ATM: variants seen among roughly 807,000 people sequenced by gnomAD.
ATM encodes the protein ATM serine/threonine kinase, also known as serine-protein kinase ATM.
Under a neutral mutation model 387.0 loss-of-function variants are expected in ATM, and 308 were observed. The observed-to-expected ratio is 0.80, with a 90% CI of 0.73 to 0.87. The LOEUF (loss-of-function observed/expected upper bound fraction) is 0.87. Ranked by LOEUF, ATM falls within the 40% of genes least tolerant of loss-of-function variation. ATM has a pLI of 0.00. For synonymous variants in ATM, 1,156 were observed against 1,187.3 expected (o/e 0.97, Z 0.54); for missense variants, 3,312 against 3,560.9 (o/e 0.93, Z 1.78).
intron 47 of ATM, 74 bp from the exon 48 acceptor site, chr11:108,327,571 C>T: frequency 8.1e-7 from 1 of 1,237,676 alleles, no homozygotes; most frequent in Non-Finnish European, 1.2e-6. Context: ...CTGCTTTTTT[C>T]CCCGTACATG....
intron 42 of ATM, 84 bp from the exon 43 acceptor site, chr11:108,317,289 A>G (rs1307716440): frequency 4.2e-6 from 6 of 1,427,600 alleles, no homozygotes; most frequent in South Asian, 2.4e-5. Context: ...GTCTAAGTTA[A>G]TTTGTATCTT....
chr11:108,288,643 G>A (rs1029308870), intron 27 of ATM, among the ~76,000 whole-genome samples: 4 of 151,660 alleles, frequency 2.6e-5, no homozygotes, highest in Non-Finnish European at 4.4e-5. Context: ...TGCTTTTACA[G>A]TACTGGCATA....
rs1565615076 is a variant in ATM at position 108,368,830 on chromosome 11, T to C, written c.*3322T>C. On this transcript the variant is annotated 3_prime_UTR_variant, in exon 63 of 63. Transcript: ENST00000675843. ...CATTATAGTATATGCCTAAAATGTA[T>C]GCACTTAGGAATGCTAAAAATTTAA... The C allele has an allele frequency of 4.9e-6, 1 of 203,752 alleles. No individual in the cohort carries two copies. Among genetic ancestry groups the C allele is most frequent in the East Asian group, 7.6e-5 (1 of 13,202 alleles). The allele number at this position is 203,752 out of a possible 1,614,324, so 12.6% of individuals were successfully genotyped here. A position where few individuals can be genotyped will look rare whatever the true frequency, so the allele number is the denominator to read the frequency against.
intron 24 of ATM, among the ~76,000 whole-genome samples, chr11:108,282,295 C>T (rs2082274378): frequency 6.6e-6 from 1 of 152,072 alleles, no homozygotes; most frequent in African/African-American, 2.4e-5. Flanking sequence ...ATCCACACAC[C>T]TGGCTAATTT....
intron 59 of ATM, among the ~76,000 whole-genome samples, chr11:108,349,819 A>T (rs1391445519): frequency 6.6e-6 from 1 of 152,202 alleles, no homozygotes; most frequent in Non-Finnish European, 1.5e-5. Flanking sequence ...GGAGAAAAAC[A>T]AAAGATAATT....
chr11:108,287,495 C>A, intron 26 of ATM, 105 bp from the exon 27 acceptor site: 1 of 686,934 alleles, frequency 1.5e-6, no homozygotes. Flanking sequence ...TTTTCTTTTA[C>A]AGTCATCGAA....
At chr11:108,313,660 G>T (rs183175685) in intron 40 of ATM, among the ~76,000 whole-genome samples, 1 of 152,088 alleles carries the variant, frequency 6.6e-6, no homozygotes, top group East Asian at 1.9e-4. Context: ...TTGGAATATC[G>T]TGTGTGTACT....
chr11:108,317,637 A>C (rs2084826899), intron 43 of ATM, 116 bp downstream of exon 43: 1 of 177,524 alleles, frequency 5.6e-6, no homozygotes, highest in African/African-American at 3.5e-5. Context: ...ATATATATAT[A>C]TATATATATA....
intron 56 of ATM, among the ~76,000 whole-genome samples, chr11:108,339,306 T>C (rs2087222003): frequency 6.6e-6 from 1 of 152,204 alleles, no homozygotes; most frequent in African/African-American, 2.4e-5. Flanking sequence ...GAAAGGAGCT[T>C]TGCACTTAAC....
chr11:108,325,569 A>G (rs768575619), intron 46 of ATM, 25 bp downstream of exon 46: 1 of 1,543,020 alleles, frequency 6.5e-7, no homozygotes, highest in Non-Finnish European at 8.9e-7. Context: ...AAACTATGTC[A>G]TCTTACCTCT....
chr11:108,311,823 A>G (rs1425920007), intron 39 of ATM, among the ~76,000 whole-genome samples: 1 of 152,188 alleles, frequency 6.6e-6, no homozygotes, highest in Non-Finnish European at 1.5e-5. Context: ...CACAGCTGTC[A>G]TGGTTTTAGA....
intron 26 of ATM, among the ~76,000 whole-genome samples, chr11:108,286,414 A>T (rs1185568434): frequency 6.6e-6 from 1 of 152,006 alleles, no homozygotes; most frequent in African/African-American, 2.4e-5. Flanking sequence ...AAATGAAATT[A>T]TACTCCACAG....
chr11:108,299,313 CTCTTT>C (rs1011535176), intron 33 of ATM, among the ~76,000 whole-genome samples: 8 of 112,200 alleles, frequency 7.1e-5, no homozygotes, highest in Non-Finnish European at 1.4e-4. Context: ...GATTCTCTCT[CTCTTT>C]TTTTTTTTTT....
chr11:108,247,642 C>A (rs1005240441), intron 8 of ATM, among the ~76,000 whole-genome samples: 1 of 152,156 alleles, frequency 6.6e-6, no homozygotes, highest in African/African-American at 2.4e-5. Flanking sequence ...GTCACCCAGG[C>A]TGGAGTGCAG....
At chr11:108,258,892 T>C in intron 15 of ATM, 94 bp from the exon 16 acceptor site, 1 of 979,372 alleles carries the variant, frequency 1.0e-6, no homozygotes, top group Non-Finnish European at 1.6e-6. Flanking sequence ...AAACTATTTA[T>C]CTACATTCCA....
rs11390378 is a variant in ATM at position 108,229,378 on chromosome 11, GT to G, written c.331+69del. 6.6e-3 allele frequency: 8,334 copies of G among 1,263,212 alleles called. 4 individuals are homozygous for G. The highest frequency in any genetic ancestry group is 0.02 in the African/African-American group (1,241 of 63,504). 78.3% of individuals were successfully genotyped at this position (1,263,212 alleles called of 1,614,324 possible). ...GGCTTAACAGATTACTGTCGCGTGAGTTTTTTTTTTTTTTCAGATCATTTTA... is the reference window on the plus strand; with the variant it reads ...GGCTTAACAGATTACTGTCGCGTGAGTTTTTTTTTTTTTCAGATCATTTTA... On this transcript the variant is annotated intron_variant, in intron 4 of 62. Coordinates refer to ENST00000675843, the MANE Select transcript of ATM (RefSeq NM_000051.4).
chr11:108,303,205 G>T (rs1291510276), intron 36 of ATM, among the ~76,000 whole-genome samples, 176 bp downstream of exon 36: 3 of 152,090 alleles, frequency 2.0e-5, no homozygotes, highest in African/African-American at 7.2e-5. Context: ...TCAGCTTCGG[G>T]ATAGCAACAT....
At chr11:108,359,005 T>C (rs942929985) in intron 61 of ATM, among the ~76,000 whole-genome samples, 3 of 151,578 alleles carry the variant, frequency 2.0e-5, no homozygotes, top group African/African-American at 4.8e-5. Context: ...ACTGGCAAAT[T>C]GGATAAAGAG....
At chr11:108,289,164 T>G in intron 28 of ATM, 61 bp downstream of exon 28, 2 of 1,494,446 alleles carry the variant, frequency 1.3e-6, no homozygotes, top group Non-Finnish European at 1.8e-6. Context: ...AAAAAAACTT[T>G]GTAAATACAT....
Sources: allele counts gnomAD v4.1 joint callset (sites outside exome capture counted in the v4.1 genomes callset), GRCh38; gene constraint gnomAD v4.1.1; transcripts MANE v1.5; gene names NCBI Gene and HGNC (gene_info 2026-07-23, HGNC 2026-07-21).